The following KLHDC10 variants were observed in gnomAD, a reference collection of about 807,000 sequenced individuals.
KLHDC10 encodes the protein kelch domain-containing protein 10.
A neutral mutation model predicts 56.1 loss-of-function variants in KLHDC10; 24 were observed. That is an observed-to-expected ratio of 0.43 (90% CI 0.31 to 0.60). KLHDC10 has a LOEUF of 0.60. Ranked by LOEUF, KLHDC10 falls within the 20% of genes least tolerant of loss-of-function variation. KLHDC10 has a pLI of 0.11. For synonymous variants in KLHDC10, 188 were observed against 207.1 expected, an observed-to-expected ratio of 0.91 and a Z score of 0.79; for missense variants, 349 against 567.0, an observed-to-expected ratio of 0.62 and a Z score of 3.91.
At chr7:130,101,757 T>C (rs1476437894) in intron 2 of KLHDC10, among the ~76,000 whole-genome samples, 1 of 151,476 alleles carries the variant, frequency 6.6e-6, no homozygotes, top group African/African-American at 2.4e-5. Context: ...GATCACGAGG[T>C]CAGGAGATCG....
In KLHDC10 at chr7:130,120,739, C is replaced by T; in HGVS notation, c.476-10C>T. The T allele has an allele frequency of 1.2e-6, 2 of 1,613,298 alleles. No individual in the cohort carries two copies. Among genetic ancestry groups the T allele is most frequent in the Non-Finnish European group, 1.7e-6 (2 of 1,179,660 alleles). ...ATTTGTGAACAGAACTTGTGCTTCT[C>T]CTTCCTCAGTTGTGCTGCATGGAAA... On this transcript the variant is annotated splice_polypyrimidine_tract_variant and intron_variant, in intron 3 of 9. Transcript: ENST00000335420. The surrounding 1 kb of genome is among the most constrained non-coding windows in gnomAD (Gnocchi z 5.1).
At chr7:130,128,889 A>AAAAAAAAAAATATATATATATATACATAT in intron 8 of KLHDC10, among the ~76,000 whole-genome samples, 1 of 66,956 alleles carries the variant, frequency 1.5e-5, no homozygotes, top group South Asian at 5.5e-4. Context: ...AAAAAAAAAA[A>AAAAAAAAAAATATATATATATATACATAT]ATATATATAT....
chr7:130,116,310 T>C lies in KLHDC10; in HGVS notation c.254-135T>C. 1.6e-6 allele frequency: 1 copy of C among 638,208 alleles called. No homozygotes were observed. The highest frequency in any genetic ancestry group is 1.9e-5 in the South Asian group (1 of 51,494). 39.5% of individuals were successfully genotyped at this position (638,208 alleles called of 1,614,324 possible). A position where few individuals can be genotyped will look rare whatever the true frequency, so the allele number is the denominator to read the frequency against. On this transcript the variant is annotated intron_variant, in intron 2 of 9. Transcript: ENST00000335420. The surrounding 1 kb of genome is among the most constrained non-coding windows in gnomAD (Gnocchi z 4.8). ...AGGAAGTATATCCATGTTATAAATC[T>C]AAACAAATAAGAAGTATATCCATGT...
At chr7:130,125,761 A>G (rs554929009) in intron 6 of KLHDC10, 104 bp from the exon 7 acceptor site, 1 of 895,266 alleles carries the variant, frequency 1.1e-6, no homozygotes, top group Admixed American at 2.9e-5. Flanking sequence ...TGTGAACTGA[A>G]AACTGCTTTA....
At chr7:130,125,728 C>G in intron 6 of KLHDC10, 137 bp from the exon 7 acceptor site, 2 of 661,750 alleles carry the variant, frequency 3.0e-6, no homozygotes, top group Admixed American at 3.3e-5. Flanking sequence ...TGGAAAATCA[C>G]TGTACCTTCT....
Position 130,130,278 on chromosome 7 carries a change from C to T in KLHDC10, c.1120-259C>T, listed in dbSNP as rs921302639. The stretch of plus-strand genomic sequence containing the variant: ...GAGAGCTTGCAGTGAGCTGAAATTG[C>T]GCCACTGCACTCCAGCCTGGGCGAC... On this transcript the variant is annotated intron_variant, in intron 9 of 9. Transcript: ENST00000335420. This position sits in a 1 kb window ranked among gnomAD's most constrained non-coding sequence, Gnocchi z 4.2. 5.3e-5 allele frequency among the ~76,000 whole-genome samples: 8 copies of T among 150,104 alleles called. No individual in the cohort carries two copies. The highest frequency in any genetic ancestry group is 1.3e-4 in the Admixed American group (2 of 15,102).
rs114571460 is a variant in KLHDC10, at chr7:130,079,759, C to G, written c.166+8950C>G. ...CCTTCCTTCCTTTTTCCTTCCCTCC[C>G]TCCCCCTCCCCTACCTCCTCCCTTC... On this transcript the variant is annotated intron_variant, in intron 1 of 9. Coordinates refer to ENST00000335420, the MANE Select transcript of KLHDC10 (RefSeq NM_014997.4). Among the ~76,000 whole-genome samples, 878 of 144,626 alleles carry G rather than the reference C, an allele frequency of 6.1e-3. 10 individuals carry two copies. Among genetic ancestry groups the G allele is most frequent in the African/African-American group, 0.021 (814 of 38,790 alleles). 94.9% of individuals were successfully genotyped at this position (144,626 alleles called of 152,430 possible). A position where few individuals can be genotyped will look rare whatever the true frequency, so the allele number is the denominator to read the frequency against.
intron 2 of KLHDC10, among the ~76,000 whole-genome samples, chr7:130,101,464 A>G (rs1795927676): frequency 6.6e-6 from 1 of 152,158 alleles, no homozygotes. Flanking sequence ...CAAGTATAGG[A>G]AGATGGAGCA....
intron 1 of KLHDC10, among the ~76,000 whole-genome samples, chr7:130,074,243 CTT>C (rs1270265768): frequency 6.6e-6 from 1 of 152,164 alleles, no homozygotes; most frequent in Non-Finnish European, 1.5e-5. Flanking sequence ...ATTCCATTCT[CTT>C]GTTTTAACTT....
intron 4 of KLHDC10, 130 bp from the exon 5 acceptor site, chr7:130,121,924 G>A (rs1203467644): frequency 1.4e-5 from 10 of 701,424 alleles, no homozygotes; most frequent in Admixed American, 3.4e-5. Flanking sequence ...ATTCTTTTAA[G>A]AGTCTGATAC....
At position 130,113,175 on chromosome 7, in the gene KLHDC10, T is replaced by A. The variant is rs534693210; in HGVS notation, c.254-3270T>A. Among the ~76,000 whole-genome samples the A allele has an allele frequency of 1.4e-4, 21 of 152,234 alleles. No homozygotes were observed. In the South Asian group the frequency reaches 4.1e-3, roughly 30 times the overall value. ...CAGTTTGGACCACCCACATTTCAAG[T>A]GCTCAGGAGCCATATGTTATGGCTC... On this transcript the variant is annotated intron_variant, in intron 2 of 9. Transcript: ENST00000335420.
chr7:130,077,379 A>AC (rs1795524904), intron 1 of KLHDC10, among the ~76,000 whole-genome samples: 2 of 148,482 alleles, frequency 1.3e-5, no homozygotes, highest in African/African-American at 2.5e-5. Context: ...AAAAAAAAAA[A>AC]AAACAGTATA....
intron 2 of KLHDC10, among the ~76,000 whole-genome samples, chr7:130,102,909 A>T (rs996116938): frequency 6.6e-6 from 1 of 152,218 alleles, no homozygotes; most frequent in African/African-American, 2.4e-5. Context: ...TGAAGAATTG[A>T]TTGCTGAAAT....
At chr7:130,102,469 T>C (rs962795832) in intron 2 of KLHDC10, among the ~76,000 whole-genome samples, 2 of 152,128 alleles carry the variant, frequency 1.3e-5, no homozygotes, top group Non-Finnish European at 2.9e-5. Flanking sequence ...TTGAGGAAGT[T>C]CTAATCACAG....
chr7:130,077,289 G>A (rs1441619241), intron 1 of KLHDC10, among the ~76,000 whole-genome samples: 6 of 132,768 alleles, frequency 4.5e-5, no homozygotes, highest in Admixed American at 8.5e-5. Context: ...GGGAGGCAGA[G>A]GTTGCAGTGA....
At chr7:130,078,788 G>A (rs1795554951) in intron 1 of KLHDC10, among the ~76,000 whole-genome samples, 1 of 152,218 alleles carries the variant, frequency 6.6e-6, no homozygotes, top group Non-Finnish European at 1.5e-5. Context: ...GAAGTGTTGG[G>A]ATTACAGGCG....
intron 2 of KLHDC10, among the ~76,000 whole-genome samples, chr7:130,106,063 C>A (rs1411378774): frequency 2.6e-5 from 4 of 152,068 alleles, no homozygotes; most frequent in Non-Finnish European, 5.9e-5. Context: ...ACAGGAGAAT[C>A]GCTTGAACCT....
At chr7:130,106,946 G>C (rs1796015410) in intron 2 of KLHDC10, among the ~76,000 whole-genome samples, 1 of 152,152 alleles carries the variant, frequency 6.6e-6, no homozygotes, top group South Asian at 2.1e-4. Flanking sequence ...GTTCCAGCCT[G>C]GGCAATAGAG....
At chr7:130,084,502 G>A (rs1017044684) in intron 1 of KLHDC10, among the ~76,000 whole-genome samples, 1 of 152,162 alleles carries the variant, frequency 6.6e-6, no homozygotes, top group Non-Finnish European at 1.5e-5. Context: ...GGCTAGATGC[G>A]GTGGTTGACG....
Sources: allele counts gnomAD v4.1 joint callset (sites outside exome capture counted in the v4.1 genomes callset), GRCh38; gene constraint gnomAD v4.1.1; non-coding constraint Gnocchi (gnomAD v3.1); transcripts MANE v1.5; gene names NCBI Gene and HGNC (gene_info 2026-07-23, HGNC 2026-07-21).